TMEM132C: variants seen among roughly 807,000 people sequenced by gnomAD.
TMEM132C encodes transmembrane protein 132C, also known as protein phosphatase 1, regulatory subunit 152.
A neutral mutation model predicts 61.4 loss-of-function variants in TMEM132C; 29 were observed. The observed-to-expected ratio is 0.47, with a 90% CI of 0.35 to 0.64. TMEM132C has a LOEUF of 0.64. TMEM132C is among the 30% of genes least tolerant of loss of function. The pLI is 0.00. For synonymous variants in TMEM132C, 656 were observed against 633.1 expected (o/e 1.04, Z -0.54); for missense variants, 1,408 against 1,476.9 (o/e 0.95, Z 0.76).
At chr12:128,669,080 G>C (rs547455998) in intron 4 of TMEM132C, among the ~76,000 whole-genome samples, 135 of 152,242 alleles carry the variant, frequency 8.9e-4, no homozygotes, top group African/African-American at 3.1e-3. Flanking sequence ...AAGGTACCCA[G>C]GGTTAGTTTC....
intron 2 of TMEM132C, among the ~76,000 whole-genome samples, chr12:128,435,682 G>A (rs912269010): frequency 1.3e-5 from 2 of 152,128 alleles, no homozygotes; most frequent in African/African-American, 4.8e-5. Flanking sequence ...CCATGCTCAT[G>A]GATAGGAAGA....
chr12:128,269,101 C>A (rs746135867), intron 1 of TMEM132C, among the ~76,000 whole-genome samples: 28 of 152,094 alleles, frequency 1.8e-4, no homozygotes, highest in Non-Finnish European at 3.8e-4. Context: ...TTCTAGGATT[C>A]AGTTTTCCTA....
chr12:128,608,336 C>T lies in TMEM132C; in HGVS notation c.1122-7816C>T, dbSNP rs114864135. Among the ~76,000 whole-genome samples the T allele has an allele frequency of 4.8e-3, 731 of 152,264 alleles. 6 individuals are homozygous for T. The highest frequency in any genetic ancestry group is 0.017 in the African/African-American group (695 of 41,550). ...TTAATATCCCTGCATATTAGAATCACCTGGGGATCTCTTAAGACTCCCAAC... is the reference window on the plus strand; with the variant it reads ...TTAATATCCCTGCATATTAGAATCATCTGGGGATCTCTTAAGACTCCCAAC... On this transcript the variant is annotated intron_variant, in intron 3 of 8. Transcript: ENST00000435159.
At chr12:128,616,459 C>A in intron 4 of TMEM132C, 124 bp downstream of exon 4, 1 of 1,008,308 alleles carries the variant, frequency 9.9e-7, no homozygotes, top group Non-Finnish European at 1.4e-6. Flanking sequence ...CAAAGTTTCT[C>A]GTCTTTCCTC....
intron 1 of TMEM132C, among the ~76,000 whole-genome samples, chr12:128,342,827 C>T (rs1048514810): frequency 3.3e-5 from 5 of 152,220 alleles, no homozygotes; most frequent in African/African-American, 9.6e-5. Context: ...AGAGCTTCCC[C>T]TCCGCCCTTT....
chr12:128,528,380 A>C (rs1157310564), intron 2 of TMEM132C, among the ~76,000 whole-genome samples: 1 of 152,180 alleles, frequency 6.6e-6, no homozygotes, highest in African/African-American at 2.4e-5. Context: ...AGGTAAGGCA[A>C]GCTCATAAAA....
intron 2 of TMEM132C, among the ~76,000 whole-genome samples, chr12:128,481,077 C>T (rs947830587): frequency 3.3e-5 from 5 of 152,130 alleles, no homozygotes; most frequent in African/African-American, 1.2e-4. Context: ...ATGTGAGTTG[C>T]TCATGGAGTC....
chr12:128,313,505 T>C (rs941175489), intron 1 of TMEM132C, among the ~76,000 whole-genome samples: 1 of 152,306 alleles, frequency 6.6e-6, no homozygotes, highest in Middle Eastern at 3.4e-3. Flanking sequence ...CGGGACTGGC[T>C]TTTCTCCATC....
At chr12:128,493,960 C>T (rs977695667) in intron 2 of TMEM132C, among the ~76,000 whole-genome samples, 1 of 152,162 alleles carries the variant, frequency 6.6e-6, no homozygotes, top group Non-Finnish European at 1.5e-5. Context: ...AGTTTTTGCC[C>T]ATTCAGTATG....
At chr12:128,566,725 C>T (rs954384598) in intron 3 of TMEM132C, among the ~76,000 whole-genome samples, 8 of 152,202 alleles carry the variant, frequency 5.3e-5, no homozygotes, top group African/African-American at 1.2e-4. Context: ...ACTGCCACAT[C>T]ACGTAGTTCG....
At chr12:128,571,406 C>A (rs1363085611) in intron 3 of TMEM132C, among the ~76,000 whole-genome samples, 1 of 152,178 alleles carries the variant, frequency 6.6e-6, no homozygotes, top group Non-Finnish European at 1.5e-5. Context: ...ATATACATAA[C>A]ATAAAATTGA....
Position 128,400,597 on chromosome 12 carries a change from TTG to T in TMEM132C, c.86-14133_86-14132del, listed in dbSNP as rs1488865767. The stretch of plus-strand genomic sequence containing the variant: ...CAGGATGCCCCCCAACCCCATTCTT[TTG>T]TTTTTTTTTTTTTTTGTTTGCAGGG... On this transcript the variant is annotated intron_variant, in intron 1 of 8. Transcript: ENST00000435159. Among the ~76,000 whole-genome samples the T allele has an allele frequency of 2.1e-4, 4 of 19,482 alleles. No homozygotes were observed. In the East Asian group the frequency reaches 5.3e-3, roughly 26 times the overall value. The allele number at this position is 19,482 out of a possible 152,430, so 12.8% of individuals were successfully genotyped here. A position where few individuals can be genotyped will look rare whatever the true frequency, so the allele number is the denominator to read the frequency against.
chr12:128,377,383 T>A (rs562498173), intron 1 of TMEM132C, among the ~76,000 whole-genome samples: 1 of 152,178 alleles, frequency 6.6e-6, no homozygotes, highest in African/African-American at 2.4e-5. Context: ...TACTTTTGAC[T>A]CTGTTTTTGC....
chr12:128,367,445 C>A (rs1873903815), intron 1 of TMEM132C, among the ~76,000 whole-genome samples: 1 of 152,192 alleles, frequency 6.6e-6, no homozygotes, highest in African/African-American at 2.4e-5. Context: ...CAATGCTACT[C>A]TCCACCCCAG....
chr12:128,609,990 A>G (rs12833839), intron 3 of TMEM132C, among the ~76,000 whole-genome samples: 44,691 of 152,182 alleles, frequency 0.29, 7,764 homozygotes, highest in Middle Eastern at 0.44. Context: ...TTTCCTTGTC[A>G]ATCAATGCAG....
intron 3 of TMEM132C, among the ~76,000 whole-genome samples, chr12:128,569,114 C>T (rs571179728): frequency 7.2e-5 from 11 of 152,228 alleles, no homozygotes; most frequent in South Asian, 2.1e-4. Flanking sequence ...TGAGTTGGAG[C>T]GGTCAACCCA....
chr12:128,358,919 C>T (rs970139247), intron 1 of TMEM132C, among the ~76,000 whole-genome samples: 3 of 152,154 alleles, frequency 2.0e-5, no homozygotes, highest in African/African-American at 7.2e-5. Flanking sequence ...GTACCAGTCA[C>T]ACAAATGGTA....
chr12:128,383,180 G>A (rs541629692), intron 1 of TMEM132C, among the ~76,000 whole-genome samples: 6 of 152,232 alleles, frequency 3.9e-5, no homozygotes, highest in African/African-American at 1.4e-4. Flanking sequence ...GTGTCAGTGT[G>A]TGCGCATGTG....
At chr12:128,651,302 A>G (rs567210229) in intron 4 of TMEM132C, among the ~76,000 whole-genome samples, 2 of 152,308 alleles carry the variant, frequency 1.3e-5, no homozygotes, top group Admixed American at 1.3e-4. Flanking sequence ...CTGCAGCCCA[A>G]GCACAGGGCC....
Sources: allele counts gnomAD v4.1 joint callset (sites outside exome capture counted in the v4.1 genomes callset), GRCh38; gene constraint gnomAD v4.1.1; transcripts MANE v1.5; gene names NCBI Gene and HGNC (gene_info 2026-07-23, HGNC 2026-07-21).